PRKD1: variants seen among roughly 807,000 people sequenced by gnomAD.
PRKD1 encodes serine/threonine-protein kinase D1.
Under a neutral mutation model 95.9 loss-of-function variants are expected in PRKD1, and 63 were observed. That is an observed-to-expected ratio of 0.66 (90% CI 0.54 to 0.81). PRKD1 has a LOEUF of 0.81. PRKD1 is among the 30% of genes least tolerant of loss of function. PRKD1 has a pLI of 0.00. For synonymous variants in PRKD1, 425 were observed against 423.1 expected (o/e 1.00, Z -0.05); for missense variants, 1,048 against 1,165.3 (o/e 0.90, Z 1.47).
intron 2 of PRKD1, among the ~76,000 whole-genome samples, chr14:29,714,910 A>G (rs1471741669): frequency 6.6e-6 from 1 of 152,142 alleles, no homozygotes; most frequent in Non-Finnish European, 1.5e-5. Context: ...TTGAACAGTG[A>G]GAACACATGC....
At chr14:29,629,931 TTTC>T (rs934762863) in intron 10 of PRKD1, among the ~76,000 whole-genome samples, 2 of 151,746 alleles carry the variant, frequency 1.3e-5, no homozygotes, top group Non-Finnish European at 2.9e-5. Flanking sequence ...GCTGGCTAGA[TTTC>T]TTCTTCTTCC....
intron 1 of PRKD1, among the ~76,000 whole-genome samples, chr14:29,752,699 G>T (rs1296879209): frequency 6.6e-6 from 1 of 151,854 alleles, no homozygotes; most frequent in African/African-American, 2.4e-5. Context: ...ATATGATGAG[G>T]TCAAAGGCCA....
chr14:29,905,826 T>C (rs942216501), intron 1 of PRKD1, among the ~76,000 whole-genome samples: 5 of 152,190 alleles, frequency 3.3e-5, no homozygotes, highest in African/African-American at 1.2e-4. Context: ...AAGAACTGAA[T>C]GTTATGTTAA....
intron 2 of PRKD1, among the ~76,000 whole-genome samples, chr14:29,724,383 T>C (rs532287177): frequency 1.3e-5 from 2 of 152,300 alleles, no homozygotes; most frequent in East Asian, 3.9e-4. Flanking sequence ...ATAATTAATT[T>C]AGTGTTCAGA....
At chr14:29,801,852 C>T (rs749056398) in intron 1 of PRKD1, among the ~76,000 whole-genome samples, 4 of 152,182 alleles carry the variant, frequency 2.6e-5, no homozygotes, top group Non-Finnish European at 5.9e-5. Flanking sequence ...ACACACCTGG[C>T]TAATTTTGTA....
intron 4 of PRKD1, chr14:29,656,432 G>A (rs1031477136): frequency 4.1e-5 from 62 of 1,496,962 alleles, no homozygotes; most frequent in Non-Finnish European, 5.6e-5. Flanking sequence ...GTTTGAAAAA[G>A]ACAGTGAAGC....
In PRKD1 at chr14:29,629,744, T is replaced by C. The variant is rs150509872; in HGVS notation, c.1673-651A>G. Among the ~76,000 whole-genome samples, 475 of 152,232 alleles carry C rather than the reference T, an allele frequency of 3.1e-3. 3 individuals are homozygous for C. The highest frequency in any genetic ancestry group is 0.011 in the African/African-American group (445 of 41,558). The stretch of plus-strand genomic sequence containing the variant: ...AATCTAGGTTGCATTTTAGCAAATG[T>C]ATCTCATTCTACTAATGAACAGAGA... On this transcript the variant is annotated intron_variant, in intron 10 of 17. Transcript: ENST00000331968.
intron 1 of PRKD1, among the ~76,000 whole-genome samples, chr14:29,859,700 C>A (rs1340919012): frequency 6.6e-6 from 1 of 151,772 alleles, no homozygotes; most frequent in African/African-American, 2.4e-5. Context: ...AAATAAACTT[C>A]ACTTTATAAC....
intron 1 of PRKD1, among the ~76,000 whole-genome samples, chr14:29,901,082 C>T (rs1894302161): frequency 6.6e-6 from 1 of 152,172 alleles, no homozygotes; most frequent in Admixed American, 6.5e-5. Context: ...GACATGAAAT[C>T]TACCTATGTG....
At chr14:29,909,858 G>A (rs1363428674) in intron 1 of PRKD1, among the ~76,000 whole-genome samples, 1 of 152,182 alleles carries the variant, frequency 6.6e-6, no homozygotes, top group Non-Finnish European at 1.5e-5. Flanking sequence ...ACACCAATCA[G>A]TGCTCTGTGT....
At chr14:29,641,478 A>G (rs1880761376) in intron 4 of PRKD1, among the ~76,000 whole-genome samples, 1 of 152,154 alleles carries the variant, frequency 6.6e-6, no homozygotes, top group African/African-American at 2.4e-5. Context: ...TTACTGCTGG[A>G]AGGAGACTGT....
At position 29,625,910 on chromosome 14, in the gene PRKD1, A is replaced by G. The variant is rs1050208543; in HGVS notation, c.1798+574T>C. Among the ~76,000 whole-genome samples the G allele has an allele frequency of 2.0e-5, 3 of 152,124 alleles. No homozygotes were observed. In the East Asian group the frequency reaches 5.8e-4, roughly 29 times the overall value. ...AAAGCATTAATATTAAATATTTTTTAAAGACTTGAAAAATACCCTTTAACT... is the reference window on the plus strand; with the variant it reads ...AAAGCATTAATATTAAATATTTTTTGAAGACTTGAAAAATACCCTTTAACT... On this transcript the variant is annotated intron_variant, in intron 12 of 17. Coordinates refer to ENST00000331968, the MANE Select transcript of PRKD1 (RefSeq NM_002742.3).
rs45514394 is a variant in PRKD1 at position 29,720,048 on chromosome 14, C to T, written c.403+5488G>A. Among the ~76,000 whole-genome samples the T allele has an allele frequency of 5.6e-3, 853 of 152,280 alleles. 17 individuals are homozygous for T. The highest frequency in any genetic ancestry group is 0.034 in the Admixed American group (519 of 15,288). On this transcript the variant is annotated intron_variant, in intron 2 of 17. Coordinates refer to ENST00000331968, the MANE Select transcript of PRKD1 (RefSeq NM_002742.3). ...CCCAACATTTTCCAAAGTTAAAGGA[C>T]CAGGATTCCCTTTTGCGGTATGTTT...
chr14:29,632,615 C>T (rs1880080484), intron 9 of PRKD1, among the ~76,000 whole-genome samples: 1 of 151,976 alleles, frequency 6.6e-6, no homozygotes, highest in Non-Finnish European at 1.5e-5. Context: ...TTAATCTTCA[C>T]CTCCCTCCCT....
At chr14:29,694,860 G>A (rs1884424535) in intron 2 of PRKD1, among the ~76,000 whole-genome samples, 1 of 152,162 alleles carries the variant, frequency 6.6e-6, no homozygotes, top group South Asian at 2.1e-4. Flanking sequence ...AGACCAAGAA[G>A]TGGGAGCAGG....
At chr14:29,876,760 A>G (rs1461123239) in intron 1 of PRKD1, among the ~76,000 whole-genome samples, 1 of 152,214 alleles carries the variant, frequency 6.6e-6, no homozygotes, top group Non-Finnish European at 1.5e-5. Flanking sequence ...AAAACCAGGC[A>G]AAGGACTTGA....
intron 1 of PRKD1, among the ~76,000 whole-genome samples, chr14:29,859,464 C>A (rs1298627587): frequency 6.6e-6 from 1 of 151,988 alleles, no homozygotes; most frequent in African/African-American, 2.4e-5. Context: ...AAAAATTAGC[C>A]GGGCATAGTG....
intron 1 of PRKD1, among the ~76,000 whole-genome samples, chr14:29,741,193 A>G (rs1443991523): frequency 6.6e-6 from 1 of 152,188 alleles, no homozygotes; most frequent in Admixed American, 6.5e-5. Context: ...AAAATTGTTT[A>G]TACAACAAAC....
chr14:29,599,836 G>A lies in PRKD1; in HGVS notation c.1906-19C>T, dbSNP rs766804965. 3.1e-6 allele frequency: 5 copies of A among 1,592,746 alleles called. No individual in the cohort carries two copies. The highest frequency in any genetic ancestry group is 1.8e-5 in the Admixed American group (1 of 55,964). ...GAAGGTTCTATTAAAGATAAATAAA[G>A]CACTTGAAGAAAATGAGTTTTTTGA... On this transcript the variant is annotated intron_variant, in intron 13 of 17. Transcript: ENST00000331968.
Sources: allele counts gnomAD v4.1 joint callset (sites outside exome capture counted in the v4.1 genomes callset), GRCh38; gene constraint gnomAD v4.1.1; transcripts MANE v1.5; gene names NCBI Gene and HGNC (gene_info 2026-07-23, HGNC 2026-07-21).